The following R3HCC1L variants were observed in gnomAD, a reference collection of about 807,000 sequenced individuals.
R3HCC1L encodes the protein coiled-coil domain-containing protein R3HCC1L.
Under a neutral mutation model 59.9 loss-of-function variants are expected in R3HCC1L, and 51 were observed. The observed-to-expected ratio is 0.85, with a 90% CI of 0.68 to 1.07. The LOEUF (loss-of-function observed/expected upper bound fraction) is 1.07. Among genes scored for constraint, R3HCC1L ranks in the 50% least tolerant of loss-of-function variants. The pLI is 0.00. For missense variants in R3HCC1L, 965 were observed against 933.0 expected, an observed-to-expected ratio of 1.03 and a Z score of -0.45; for synonymous variants, 322 against 315.2, an observed-to-expected ratio of 1.02 and a Z score of -0.23.
intron 1 of R3HCC1L, 85 bp from the exon 2 acceptor site, chr10:98,156,008 G>T (rs1846829454): frequency 6.6e-6 from 1 of 151,286 alleles, no homozygotes; most frequent in Non-Finnish European, 1.5e-5. Flanking sequence ...TAGCCCCTCG[G>T]TGCAGTTTTC....
intron 4 of R3HCC1L, among the ~76,000 whole-genome samples, chr10:98,177,487 A>G (rs1849152376): frequency 6.6e-6 from 1 of 152,206 alleles, no homozygotes; most frequent in African/African-American, 2.4e-5. Flanking sequence ...GCCTCAATAA[A>G]CATATGTATG....
At position 98,224,091 on chromosome 10, in the gene R3HCC1L, C is replaced by G. The variant is rs141367588; in HGVS notation, c.1786-7421C>G. On this transcript the variant is annotated intron_variant, in intron 5 of 9. Coordinates refer to ENST00000298999, the MANE Select transcript of R3HCC1L (RefSeq NM_001351015.2). ...GGCAGGCTAATCCCTAGCCCTCAGACAGTGTGCTTGGGTGCCGCTCATTGT... is the reference window on the plus strand; with the variant it reads ...GGCAGGCTAATCCCTAGCCCTCAGAGAGTGTGCTTGGGTGCCGCTCATTGT... Among the ~76,000 whole-genome samples the G allele has an allele frequency of 6.1e-3, 927 of 152,120 alleles. 4 individuals carry two copies. The highest frequency in any genetic ancestry group is 0.014 in the Middle Eastern group (4 of 294).
intron 4 of R3HCC1L, among the ~76,000 whole-genome samples, chr10:98,181,638 C>T (rs185667280): frequency 1.2e-3 from 178 of 152,304 alleles, no homozygotes; most frequent in African/African-American, 3.9e-3. Flanking sequence ...TTCTCCCCGT[C>T]ACTTTCAGGT....
chr10:98,213,257 G>A (rs978035309), intron 5 of R3HCC1L, among the ~76,000 whole-genome samples: 1 of 152,132 alleles, frequency 6.6e-6, no homozygotes, highest in African/African-American at 2.4e-5. Flanking sequence ...AACACTTAGA[G>A]TTTGATAAAC....
At chr10:98,160,197 C>T (rs1467038122) in intron 2 of R3HCC1L, among the ~76,000 whole-genome samples, 2 of 152,158 alleles carry the variant, frequency 1.3e-5, no homozygotes, top group East Asian at 1.9e-4. Context: ...AAAGATACCT[C>T]GTAAGTAGAA....
chr10:98,234,037 A>G (rs1325368426), intron 6 of R3HCC1L, among the ~76,000 whole-genome samples: 4 of 152,020 alleles, frequency 2.6e-5, no homozygotes, highest in Non-Finnish European at 5.9e-5. Flanking sequence ...TTACATTTGC[A>G]TTAAATCCAG....
intron 2 of R3HCC1L, among the ~76,000 whole-genome samples, chr10:98,162,170 A>G (rs1847487799): frequency 6.6e-6 from 1 of 151,868 alleles, no homozygotes; most frequent in Non-Finnish European, 1.5e-5. Flanking sequence ...GATTTTCTAC[A>G]GTGTGGATGT....
intron 1 of R3HCC1L, among the ~76,000 whole-genome samples, chr10:98,147,802 G>C (rs1292584179): frequency 2.6e-5 from 4 of 152,108 alleles, no homozygotes; most frequent in Non-Finnish European, 5.9e-5. Flanking sequence ...TATTGATGTG[G>C]TTATCAGAGT....
rs544264971 is a variant in R3HCC1L, at chr10:98,194,884, A to G, written c.-14-13217A>G. 3.4e-4 allele frequency among the ~76,000 whole-genome samples: 52 copies of G among 152,334 alleles called. 1 individual carries two copies. The highest frequency in any genetic ancestry group is 3.3e-3 in the Admixed American group (50 of 15,296). On this transcript the variant is annotated intron_variant, in intron 4 of 9. Coordinates refer to ENST00000298999, the MANE Select transcript of R3HCC1L (RefSeq NM_001351015.2). The stretch of plus-strand genomic sequence containing the variant: ...ACTGTTGGTGGGATTGTACAATGGC[A>G]CAGCTCCTATGGAAAACATATGGAA...
rs72826243 is a variant in R3HCC1L at position 98,143,378 on chromosome 10, T to G, written c.-268+8672T>G. 9.6e-3 allele frequency among the ~76,000 whole-genome samples: 1,469 copies of G among 152,358 alleles called. 14 individuals are homozygous for G. The highest frequency in any genetic ancestry group is 0.015 in the Non-Finnish European group (1,040 of 68,032). On this transcript the variant is annotated intron_variant, in intron 1 of 9. Coordinates refer to ENST00000298999, the MANE Select transcript of R3HCC1L (RefSeq NM_001351015.2). ...AATTTCTAGTGACTTTTTATGCCTC[T>G]TGATCCTTCGTGTGAGAACCACTGA...
chr10:98,171,320 CTG>C (rs1366632468), intron 4 of R3HCC1L, among the ~76,000 whole-genome samples: 2 of 152,160 alleles, frequency 1.3e-5, no homozygotes, highest in Non-Finnish European at 2.9e-5. Flanking sequence ...TTCCAAGGCT[CTG>C]TAAAAATTCT....
In R3HCC1L at chr10:98,208,916, T is replaced by A. The variant is rs773062960; in HGVS notation, c.802T>A (p.Ser268Thr). The change falls in exon 5 of 10, where the codon TCT (serine) becomes ACT (threonine). Residue 268 changes from serine (S) to threonine (T), a missense_variant. Coordinates refer to ENST00000298999, the MANE Select transcript of R3HCC1L (RefSeq NM_001351015.2). ...CAGCAGCGGAGGCATCACCACTACT[T>A]CTGTTCCTGGAAGTCCAGATGGTGT... ...NPSSGGITTT[S>T]VPGSPDGVFD... is the part of the protein sequence containing the mutation. 63 of 1,614,100 alleles carry A rather than the reference T, an allele frequency of 3.9e-5. 1 individual carries two copies. The East Asian group carries it at 1.4e-3, about 36-fold the overall frequency.
intron 4 of R3HCC1L, among the ~76,000 whole-genome samples, chr10:98,203,213 T>G (rs527866731): frequency 6.6e-6 from 1 of 152,300 alleles, no homozygotes; most frequent in East Asian, 1.9e-4. Context: ...GTCTGTAATT[T>G]GCCCTCAAAA....
intron 4 of R3HCC1L, among the ~76,000 whole-genome samples, chr10:98,205,820 A>C (rs1000265987): frequency 6.6e-6 from 1 of 152,210 alleles, no homozygotes; most frequent in African/African-American, 2.4e-5. Flanking sequence ...TGATAGGTCT[A>C]TTGCAGATTA....
At chr10:98,205,527 C>T (rs956512227) in intron 4 of R3HCC1L, among the ~76,000 whole-genome samples, 4 of 152,132 alleles carry the variant, frequency 2.6e-5, no homozygotes, top group Admixed American at 2.0e-4. Context: ...GCTAAGAAGT[C>T]GCTCACATCA....
chr10:98,194,021 G>GC (rs1286138573), intron 4 of R3HCC1L, among the ~76,000 whole-genome samples: 1 of 151,894 alleles, frequency 6.6e-6, no homozygotes, highest in Admixed American at 6.6e-5. Context: ...AGCCCAAATA[G>GC]CCAAAGCAGT....
At chr10:98,240,926 G>T (rs909143437) in intron 9 of R3HCC1L, among the ~76,000 whole-genome samples, 4 of 151,902 alleles carry the variant, frequency 2.6e-5, no homozygotes, top group African/African-American at 9.7e-5. Flanking sequence ...TGTTAACTAG[G>T]ACTAACTAAC....
Position 98,213,875 on chromosome 10 carries a change from G to T in R3HCC1L, c.1785+3976G>T. On this transcript the variant is annotated intron_variant, in intron 5 of 9. Coordinates refer to ENST00000298999, the MANE Select transcript of R3HCC1L (RefSeq NM_001351015.2). ...TGACATGTTATTGACTGCCTAAGTGGGGATTTATTGACTCACTTTCCAGAT... is the reference window on the plus strand; with the variant it reads ...TGACATGTTATTGACTGCCTAAGTGTGGATTTATTGACTCACTTTCCAGAT... Among the ~76,000 whole-genome samples, 2 of 151,990 alleles carry T rather than the reference G, an allele frequency of 1.3e-5. 1 individual carries two copies. Among genetic ancestry groups the T allele is most frequent in the Non-Finnish European group, 2.9e-5 (2 of 67,990 alleles).
At chr10:98,155,849 G>A (rs1218504597) in intron 1 of R3HCC1L, among the ~76,000 whole-genome samples, 2 of 151,156 alleles carry the variant, frequency 1.3e-5, no homozygotes, top group Admixed American at 1.3e-4. Context: ...GGTAGAGAAA[G>A]TTTTAGTGTT....
Sources: allele counts gnomAD v4.1 joint callset (sites outside exome capture counted in the v4.1 genomes callset), GRCh38; gene constraint gnomAD v4.1.1; transcripts MANE v1.5; gene names NCBI Gene and HGNC (gene_info 2026-07-23, HGNC 2026-07-21).